Variants in CNTFR observed in about 807,000 individuals in gnomAD.
CNTFR encodes ciliary neurotrophic factor receptor.
A neutral mutation model predicts 40.4 loss-of-function variants in CNTFR; 12 were observed. The observed-to-expected ratio is 0.30, with a 90% CI of 0.19 to 0.48. The LOEUF (loss-of-function observed/expected upper bound fraction) is 0.48. Among genes scored for constraint, CNTFR ranks in the 20% least tolerant of loss-of-function variants. The pLI is 0.99. For synonymous variants in CNTFR, 202 were observed against 209.6 expected (o/e 0.96, Z 0.31); for missense variants, 414 against 506.8 (o/e 0.82, Z 1.76).
At position 34,552,268 on chromosome 9, in the gene CNTFR, A is replaced by G. The variant is rs775294009; in HGVS notation, c.1011T>C (p.Pro337=). The change falls in exon 9 of 10, where the codon CCT becomes CCC. Residue 337 remains proline, a synonymous_variant. Transcript: ENST00000378980. The surrounding 1 kb of genome is among the most constrained non-coding windows in gnomAD (Gnocchi z 5.1). ...GTCCCCCGCCGCTGCCCAGCTCCCC[A>G]GGGTCACAGATCTTCGTGGTAGGTG... The part of the protein sequence containing the change: ...APPPTTKICD[P]GELGSGGGPS... The G allele has an allele frequency of 1.3e-6, 2 of 1,550,242 alleles. No individual in the cohort carries two copies. The highest frequency in any genetic ancestry group is 1.7e-6 in the Non-Finnish European group (2 of 1,148,926).
intron 1 of CNTFR, among the ~76,000 whole-genome samples, chr9:34,583,343 A>AGG (rs1827402825): frequency 6.6e-6 from 1 of 152,226 alleles, no homozygotes; most frequent in African/African-American, 2.4e-5. Flanking sequence ...AATATGGCCT[A>AGG]GGGGCCCACA....
intron 2 of CNTFR, among the ~76,000 whole-genome samples, chr9:34,574,248 C>T (rs1198814860): frequency 6.6e-6 from 1 of 152,110 alleles, no homozygotes; most frequent in Non-Finnish European, 1.5e-5. Context: ...GGGCTGGGGC[C>T]GGCTAGCCAT....
At chr9:34,569,054 G>T (rs1167869767) in intron 2 of CNTFR, 73 bp from the exon 3 acceptor site, 4 of 1,396,970 alleles carry the variant, frequency 2.9e-6, no homozygotes, top group Non-Finnish European at 3.9e-6. Context: ...AGCCCCTCCT[G>T]TTCTCAGGCA....
intron 3 of CNTFR, among the ~76,000 whole-genome samples, chr9:34,565,061 G>A (rs913497973): frequency 1.3e-5 from 2 of 152,146 alleles, no homozygotes; most frequent in Admixed American, 6.5e-5. Flanking sequence ...AGCATGTACA[G>A]GGGCTAGGTA....
rs141769560 is a variant in CNTFR at position 34,563,758 on chromosome 9, G to A, written c.319+841C>T. On this transcript the variant is annotated intron_variant, in intron 4 of 9. Coordinates refer to ENST00000378980, the MANE Select transcript of CNTFR (RefSeq NM_147164.3). ...ACCTCCAATCCATCACCAATTCTTC[G>A]ACGTCCAACTGCGCCTTCTCAGCTT... 5.9e-3 allele frequency among the ~76,000 whole-genome samples: 897 copies of A among 151,974 alleles called. 2 individuals are homozygous for A. The highest frequency in any genetic ancestry group is 0.034 in the Middle Eastern group (10 of 294).
At chr9:34,565,813 G>C (rs1484172857) in intron 3 of CNTFR, among the ~76,000 whole-genome samples, 1 of 152,134 alleles carries the variant, frequency 6.6e-6, no homozygotes, top group Non-Finnish European at 1.5e-5. Flanking sequence ...CACAGAGATA[G>C]GGAGATGGGA....
chr9:34,551,767 C>A lies in CNTFR; in HGVS notation c.*304G>T. 1 of 579,000 alleles carries A rather than the reference C, an allele frequency of 1.7e-6. No homozygotes were observed. Among genetic ancestry groups the A allele is most frequent in the African/African-American group, 1.9e-5 (1 of 53,302 alleles). 35.9% of individuals were successfully genotyped at this position (579,000 alleles called of 1,614,324 possible). On this transcript the variant is annotated 3_prime_UTR_variant, in exon 10 of 10. Transcript: ENST00000378980. ...GATGTGAGAGGCTCCCCTCACGTCC[C>A]CCAAGGGCTCCTGGGAGTCGCTGGC...
intron 2 of CNTFR, among the ~76,000 whole-genome samples, chr9:34,575,206 C>A (rs895343415): frequency 1.2e-4 from 18 of 152,130 alleles, no homozygotes; most frequent in Non-Finnish European, 4.4e-5. Context: ...GGTGCCAAAT[C>A]CCCCAGCCCC....
intron 7 of CNTFR, among the ~76,000 whole-genome samples, chr9:34,554,497 G>C (rs1169390717): frequency 6.6e-6 from 1 of 152,248 alleles, no homozygotes; most frequent in Non-Finnish European, 1.5e-5. Context: ...CCTCTCAAGA[G>C]AAAGGCTTCT....
chr9:34,583,190 G>A (rs1488236485), intron 1 of CNTFR, among the ~76,000 whole-genome samples: 1 of 152,194 alleles, frequency 6.6e-6, no homozygotes, highest in East Asian at 1.9e-4. Flanking sequence ...ATGTGAGCTG[G>A]TGGAGGAGGC....
intron 4 of CNTFR, among the ~76,000 whole-genome samples, chr9:34,562,945 C>T (rs919357386): frequency 4.6e-5 from 7 of 152,164 alleles, no homozygotes; most frequent in African/African-American, 1.7e-4. Context: ...TTCCCTCCAT[C>T]GACCTCTTTA....
chr9:34,561,562 T>C (rs72735282), intron 4 of CNTFR, among the ~76,000 whole-genome samples: 4,325 of 152,280 alleles, frequency 0.028, 93 homozygotes, highest in Non-Finnish European at 0.037. Context: ...AGAAGGTGGA[T>C]CAGGAGAAAG....
In CNTFR at chr9:34,557,243, GC is replaced by G. The variant is rs541407214; in HGVS notation, c.604+282del. On this transcript the variant is annotated intron_variant, in intron 6 of 9. Coordinates refer to ENST00000378980, the MANE Select transcript of CNTFR (RefSeq NM_147164.3). This position sits in a 1 kb window ranked among gnomAD's most constrained non-coding sequence, Gnocchi z 4.2. ...GCTGCACAAGGGTCTGGCCCAGCCT[GC>G]CCCCCCTTCCCCCTGCTGCATGTTC... Among the ~76,000 whole-genome samples, 19 of 151,994 alleles carry G rather than the reference GC, an allele frequency of 1.3e-4. No individual in the cohort carries two copies. The highest frequency in any genetic ancestry group is 1.0e-4 in the Non-Finnish European group (7 of 67,976).
chr9:34,566,444 C>G (rs1273223871), intron 3 of CNTFR, among the ~76,000 whole-genome samples: 1 of 152,166 alleles, frequency 6.6e-6, no homozygotes, highest in Non-Finnish European at 1.5e-5. Flanking sequence ...GAGGCTGGAC[C>G]AGACACTAAA....
intron 2 of CNTFR, among the ~76,000 whole-genome samples, chr9:34,571,646 G>C (rs1826661609): frequency 6.6e-6 from 1 of 152,056 alleles, no homozygotes; most frequent in South Asian, 2.1e-4. Context: ...CCATCAGCCT[G>C]ATGAGTTACT....
intron 3 of CNTFR, among the ~76,000 whole-genome samples, chr9:34,565,721 G>A (rs930557341): frequency 3.3e-5 from 5 of 152,208 alleles, no homozygotes; most frequent in African/African-American, 9.7e-5. Flanking sequence ...GGAAATGGAA[G>A]GGTGGAGGCG....
At chr9:34,559,858 A>T (rs1471309105) in intron 4 of CNTFR, among the ~76,000 whole-genome samples, 1 of 151,200 alleles carries the variant, frequency 6.6e-6, no homozygotes, top group Non-Finnish European at 1.5e-5. Context: ...ACAGGCCCCC[A>T]CCCCTGGCCA....
intron 4 of CNTFR, among the ~76,000 whole-genome samples, chr9:34,558,255 G>A (rs1162115264): frequency 2.0e-5 from 3 of 152,192 alleles, no homozygotes; most frequent in South Asian, 2.1e-4. Flanking sequence ...AGGGGGCTGC[G>A]GGCCTCAACT....
At chr9:34,560,545 G>A (rs1228041313) in intron 4 of CNTFR, among the ~76,000 whole-genome samples, 1 of 152,254 alleles carries the variant, frequency 6.6e-6, no homozygotes, top group Non-Finnish European at 1.5e-5. Flanking sequence ...ATATGTGATG[G>A]AGCATAGTGA....
Sources: allele counts gnomAD v4.1 joint callset (sites outside exome capture counted in the v4.1 genomes callset), GRCh38; gene constraint gnomAD v4.1.1; non-coding constraint Gnocchi (gnomAD v3.1); transcripts MANE v1.5; gene names NCBI Gene and HGNC (gene_info 2026-07-23, HGNC 2026-07-21).